The following ZKSCAN7 variants were observed in gnomAD, a reference collection of about 807,000 sequenced individuals.
The protein encoded by ZKSCAN7 is zinc finger with KRAB and SCAN domains 7.
A neutral mutation model predicts 65.3 loss-of-function variants in ZKSCAN7; 38 were observed. The ratio of observed to expected loss-of-function variants is 0.58; its 90% CI spans 0.45 to 0.76. ZKSCAN7 has a LOEUF of 0.76. Ranked by LOEUF, ZKSCAN7 falls within the 30% of genes least tolerant of loss-of-function variation. The probability of loss-of-function intolerance (pLI) is 0.00; values close to 1 mark genes in which losing one functional copy is unlikely to be tolerated. For synonymous variants in ZKSCAN7, 321 were observed against 321.0 expected (o/e 1.00, Z 0.00); for missense variants, 815 against 913.3 (o/e 0.89, Z 1.39).
chr3:44,566,078 T>C (rs192480615), intron 3 of ZKSCAN7, among the ~76,000 whole-genome samples: 2 of 152,244 alleles, frequency 1.3e-5, no homozygotes, highest in East Asian at 3.9e-4. Context: ...AGCAAGATCA[T>C]TGTGGGCTGG....
chr3:44,571,085 G>A lies in ZKSCAN7; in HGVS notation c.1975G>A (p.Gly659Ser), dbSNP rs1267363173. The A allele has an allele frequency of 6.2e-7, 1 of 1,614,028 alleles. No homozygotes were observed. The highest frequency in any genetic ancestry group is 1.3e-5 in the African/African-American group (1 of 74,882). The change falls in exon 6 of 6, where the codon GGT becomes AGT. Residue 659 changes from glycine to serine, a missense_variant. Gly to Ser is a moderately conservative substitution (Grantham distance 56). Around this residue, in one of 3 missense-constraint regions of ZKSCAN7, gnomAD observed 578 missense variants for 629.5 expected, o/e 0.92. Transcript: ENST00000426540. ...TATTATACACCAGAGAATTCACACT[G>A]GTGAGAAACCCTATGAATGTAATGA... is the stretch of plus-strand genomic sequence containing the variant. ...HLIIHQRIHT[G>S]EKPYECNECG... is the part of the protein sequence containing the mutation.
At chr3:44,573,148 A>G (rs920564610), downstream of ZKSCAN7, among the ~76,000 whole-genome samples, 1 of 152,252 alleles carries the variant, frequency 6.6e-6, no homozygotes, top group African/African-American at 2.4e-5. Flanking sequence ...AAGAAATCTC[A>G]GAAGATTTTC....
intron 5 of ZKSCAN7, among the ~76,000 whole-genome samples, chr3:44,581,654 TTAATA>T (rs1216055105): frequency 6.6e-6 from 1 of 152,174 alleles, no homozygotes; most frequent in Non-Finnish European, 1.5e-5. Context: ...AACTTCCAAT[TTAATA>T]TATATATGTT....
At chr3:44,568,039 A>G (rs1197662726) in intron 4 of ZKSCAN7, 36 bp downstream of exon 4, 9 of 960,108 alleles carry the variant, frequency 9.4e-6, no homozygotes, top group Admixed American at 2.6e-5. Context: ...CCAAGTCCCC[A>G]TGAGTCTGGT....
downstream of ZKSCAN7, among the ~76,000 whole-genome samples, chr3:44,575,830 G>A (rs990716927): frequency 1.2e-4 from 19 of 152,162 alleles, no homozygotes; most frequent in African/African-American, 2.2e-4. Context: ...CGCCCGCCTC[G>A]GCCTCCCAAA....
chr3:44,570,092 G>C lies in ZKSCAN7; in HGVS notation c.982G>C (p.Asp328His). The change falls in exon 6 of 6, where the codon GAT becomes CAT. Residue 328 changes from aspartate (D) to histidine (H), a missense_variant. Around this residue, in one of 3 missense-constraint regions of ZKSCAN7, gnomAD observed 578 missense variants for 629.5 expected, o/e 0.92. Transcript: ENST00000426540. ...TFKELEGQTS[D>H]EEGSRLENDF... ...CAAGGAGTTAGAAGGACAAACCTCA[G>C]ATGAAGAAGGGAGCAGACTAGAAAA... is the stretch of plus-strand genomic sequence containing the variant. 2 of 1,613,984 alleles carry C rather than the reference G, an allele frequency of 1.2e-6. No homozygotes were observed. The highest frequency in any genetic ancestry group is 1.3e-5 in the African/African-American group (1 of 75,026).
downstream of ZKSCAN7, among the ~76,000 whole-genome samples, chr3:44,575,099 C>T (rs983171118): frequency 6.6e-6 from 1 of 152,096 alleles, no homozygotes; most frequent in Admixed American, 6.5e-5. Context: ...TTGAGACCAG[C>T]CTGGGCAACA....
At chr3:44,573,794 G>A (rs577440893), downstream of ZKSCAN7, among the ~76,000 whole-genome samples, 2 of 152,158 alleles carry the variant, frequency 1.3e-5, no homozygotes, top group South Asian at 2.1e-4. Flanking sequence ...TCTGCTCATC[G>A]CCTACCACAC....
In ZKSCAN7 at chr3:44,579,837, C is replaced by T. The variant is rs1700021522; in HGVS notation, c.812-3135C>T. ...AACCAGTGTTTCTTCCACTGGCTGTCCTCATACTGCTTAGTCAGCCAGCCT... is the reference window on the plus strand; with the variant it reads ...AACCAGTGTTTCTTCCACTGGCTGTTCTCATACTGCTTAGTCAGCCAGCCT... On this transcript the variant is annotated intron_variant, in intron 5 of 5. Transcript: ENST00000341840. 1.2e-5 allele frequency: 19 copies of T among 1,611,758 alleles called. No individual in the cohort carries two copies. The South Asian group carries it at 2.1e-4, about 18-fold the overall frequency.
intron 5 of ZKSCAN7, among the ~76,000 whole-genome samples, chr3:44,577,815 G>A (rs1022493730): frequency 1.3e-5 from 2 of 152,208 alleles, no homozygotes; most frequent in Non-Finnish European, 2.9e-5. Flanking sequence ...CACAGTTAAC[G>A]ATGACAACAA....
At chr3:44,572,386 GTGTA>G (rs1403122846), downstream of ZKSCAN7, among the ~76,000 whole-genome samples, 23 of 140,276 alleles carry the variant, frequency 1.6e-4, no homozygotes, top group East Asian at 6.1e-4. Flanking sequence ...GTGTGTGTGT[GTGTA>G]TGTATGCAAA....
chr3:44,558,444 G>T (rs1370676327), intron 2 of ZKSCAN7, among the ~76,000 whole-genome samples: 1 of 151,138 alleles, frequency 6.6e-6, no homozygotes, highest in Non-Finnish European at 1.5e-5. Flanking sequence ...AGAATCACTT[G>T]AACCCAGGAG....
At chr3:44,577,837 C>CA (rs1699954137) in intron 5 of ZKSCAN7, among the ~76,000 whole-genome samples, 2 of 152,184 alleles carry the variant, frequency 1.3e-5, no homozygotes, top group South Asian at 4.1e-4. Context: ...AGCAGTAAAA[C>CA]AAAGGTACAG....
chr3:44,557,599 A>T (rs1699337085), intron 2 of ZKSCAN7, 129 bp downstream of exon 2: 1 of 1,315,950 alleles, frequency 7.6e-7, no homozygotes, highest in Admixed American at 2.7e-5. Context: ...TGTCCTGTGG[A>T]TAGAGGGAAA....
Position 44,570,220 on chromosome 3 carries a change from T to C in ZKSCAN7, c.1110T>C (p.Pro370=), listed in dbSNP as rs759932892. ...AACATCCACCTCTGTCTTCCAGTCCTGTTGAACATGAAGGAGTTTTAAAGG... is the reference window on the plus strand; with the variant it reads ...AACATCCACCTCTGTCTTCCAGTCCCGTTGAACATGAAGGAGTTTTAAAGG... ...VGEHPPLSSS[P]VEHEGVLKGQ... Residue 370 remains proline, a synonymous_variant, in exon 6 of 6, where the codon CCT becomes CCC. Transcript: ENST00000426540. 3.1e-6 allele frequency: 5 copies of C among 1,614,240 alleles called. No homozygotes were observed. Among genetic ancestry groups the C allele is most frequent in the Non-Finnish European group, 4.2e-6 (5 of 1,180,038 alleles).
At chr3:44,581,320 G>A (rs1334299039) in intron 5 of ZKSCAN7, among the ~76,000 whole-genome samples, 1 of 150,896 alleles carries the variant, frequency 6.6e-6, no homozygotes, top group African/African-American at 2.4e-5. Context: ...AGCTCCGGTC[G>A]CCGCCGTCCC....
chr3:44,578,239 C>T, intron 5 of ZKSCAN7: 3 of 1,550,546 alleles, frequency 1.9e-6, no homozygotes, highest in East Asian at 2.2e-5. Flanking sequence ...ACTTCTTGTC[C>T]CACAGTGCTG....
At position 44,571,041 on chromosome 3, in the gene ZKSCAN7, T is replaced by A; in HGVS notation, c.1931T>A (p.Phe644Tyr). ...PYKCNECGKS[F>Y]NQNSHLIIHQ... ...AAATGCAATGAGTGTGGAAAATCCT[T>A]CAATCAAAACTCACACCTTATTATA... Residue 644 changes from phenylalanine to tyrosine, a missense_variant, in exon 6 of 6, where the codon TTC becomes TAC. Coordinates refer to ENST00000426540, the MANE Select transcript of ZKSCAN7 (RefSeq NM_001288590.2). 6.2e-7 allele frequency: 1 copy of A among 1,614,198 alleles called. No homozygotes were observed. The highest frequency in any genetic ancestry group is 8.5e-7 in the Non-Finnish European group (1 of 1,180,044).
Position 44,571,903 on chromosome 3 carries a change from C to T in ZKSCAN7, c.*528C>T, listed in dbSNP as rs1383709389. ...CTTTGTCCCTCACAATTTTTGAAAT[C>T]CATCTCATCACTGAAATACTTTCTT... On this transcript the variant is annotated 3_prime_UTR_variant, in exon 6 of 6. Transcript: ENST00000426540. 5.1e-6 allele frequency: 5 copies of T among 986,718 alleles called. No homozygotes were observed. The African/African-American group carries it at 5.2e-5, about 10-fold the overall frequency. 61.1% of individuals were successfully genotyped at this position (986,718 alleles called of 1,614,324 possible). A position where few individuals can be genotyped will look rare whatever the true frequency, so the allele number is the denominator to read the frequency against.
Sources: allele counts gnomAD v4.1 joint callset (sites outside exome capture counted in the v4.1 genomes callset), GRCh38; gene constraint gnomAD v4.1.1; regional missense constraint gnomAD v4.1.1; transcripts MANE v1.5; gene names NCBI Gene and HGNC (gene_info 2026-07-23, HGNC 2026-07-21).